EYS: variants seen among roughly 807,000 people sequenced by gnomAD.
EYS encodes protein eyes shut homolog.
EYS carries 250 observed loss-of-function variants against 282.1 expected under a neutral mutation model. The observed-to-expected ratio is 0.89, with a 90% CI of 0.80 to 0.98. The LOEUF is 0.98. Among genes scored for constraint, EYS ranks in the 50% least tolerant of loss-of-function variants. The probability of loss-of-function intolerance (pLI) is 0.00; values close to 1 mark genes in which losing one functional copy is unlikely to be tolerated. For synonymous variants in EYS, 1,355 were observed against 1,282.9 expected (o/e 1.06, Z -1.20); for missense variants, 4,016 against 3,709.0 (o/e 1.08, Z -2.15).
intron 33 of EYS, among the ~76,000 whole-genome samples, chr6:64,058,659 T>C (rs1771064683): frequency 6.6e-6 from 1 of 152,206 alleles, no homozygotes; most frequent in Non-Finnish European, 1.5e-5. Flanking sequence ...CTGACCCCCA[T>C]CAATTATTGC....
intron 36 of EYS, among the ~76,000 whole-genome samples, chr6:63,859,790 G>A (rs376381277): frequency 2.0e-5 from 3 of 152,106 alleles, no homozygotes; most frequent in Non-Finnish European, 4.4e-5. Flanking sequence ...TCTCGGCTCC[G>A]GCCATCACTG....
intron 2 of EYS, among the ~76,000 whole-genome samples, chr6:65,562,239 T>A (rs913466131): frequency 2.0e-5 from 3 of 152,004 alleles, no homozygotes; most frequent in Non-Finnish European, 4.4e-5. Flanking sequence ...GGAACAAACA[T>A]CAGATGTGAG....
intron 31 of EYS, among the ~76,000 whole-genome samples, chr6:64,094,041 A>G (rs1280735966): frequency 6.6e-6 from 1 of 152,138 alleles, no homozygotes; most frequent in South Asian, 2.1e-4. Context: ...GGTTCTGTTT[A>G]TATGCTGGAT....
intron 35 of EYS, among the ~76,000 whole-genome samples, chr6:63,952,609 G>A (rs1765646688): frequency 6.6e-6 from 1 of 152,022 alleles, no homozygotes; most frequent in South Asian, 2.1e-4. Context: ...CTCCTTTTTA[G>A]TTATCCCCAC....
chr6:64,870,414 C>G (rs1293793048), intron 19 of EYS, among the ~76,000 whole-genome samples: 1 of 141,190 alleles, frequency 7.1e-6, no homozygotes, highest in Non-Finnish European at 1.5e-5. Context: ...AATTACCCCC[C>G]TCCTCCCCCC....
intron 1 of EYS, among the ~76,000 whole-genome samples, chr6:65,685,520 G>A: frequency 6.6e-6 from 1 of 152,008 alleles, no homozygotes; most frequent in East Asian, 1.9e-4. Context: ...GAATTTACTA[G>A]AGTATAATTG....
rs11561711 is a variant in EYS, at chr6:63,832,967, A to G, written c.7229-26595T>C. Reference sequence around the variant, plus strand: ...ATAAACAGAACCAAAGACAAAAACCACATGACTATGTCAATAGATGCAGAA... The same window carrying G: ...ATAAACAGAACCAAAGACAAAAACCGCATGACTATGTCAATAGATGCAGAA... On this transcript the variant is annotated intron_variant, in intron 36 of 42. Coordinates refer to ENST00000503581, the MANE Select transcript of EYS (RefSeq NM_001142800.2). Among the ~76,000 whole-genome samples, 244 of 152,286 alleles carry G rather than the reference A, an allele frequency of 1.6e-3. 4 individuals are homozygous for G. In the East Asian group the frequency reaches 0.041, roughly 26 times the overall value.
intron 41 of EYS, among the ~76,000 whole-genome samples, chr6:63,753,142 A>ATATATATATATATATATATATG (rs1554166854): frequency 5.5e-3 from 45 of 8,148 alleles, no homozygotes; most frequent in African/African-American, 0.014. Flanking sequence ...GTGTGTGTGT[A>ATATATATATATATATATATATG]TATATATATA....
intron 22 of EYS, 100 bp from the exon 23 acceptor site, chr6:64,626,345 T>C (rs1246317538): frequency 7.2e-7 from 1 of 1,393,460 alleles, no homozygotes; most frequent in South Asian, 1.6e-5. Context: ...TTTTCAGAGC[T>C]CCAACAACAT....
intron 26 of EYS, among the ~76,000 whole-genome samples, chr6:64,453,758 G>T (rs537937111): frequency 6.6e-6 from 1 of 152,028 alleles, no homozygotes; most frequent in African/African-American, 2.4e-5. Context: ...ATCACAAGGA[G>T]AAAAAACCAA....
chr6:64,227,400 A>G (rs1766283293), intron 31 of EYS, among the ~76,000 whole-genome samples: 1 of 152,054 alleles, frequency 6.6e-6, no homozygotes, highest in Admixed American at 6.6e-5. Flanking sequence ...GACAGAGTGG[A>G]AGAATTTAAA....
intron 30 of EYS, among the ~76,000 whole-genome samples, chr6:64,287,732 T>A (rs1768552116): frequency 6.6e-6 from 1 of 152,168 alleles, no homozygotes; most frequent in African/African-American, 2.4e-5. Flanking sequence ...ATATCTTCAC[T>A]GTCCTCCAGA....
At chr6:64,562,690 T>C (rs181843514) in intron 26 of EYS, among the ~76,000 whole-genome samples, 125 of 152,094 alleles carry the variant, frequency 8.2e-4, no homozygotes, top group Admixed American at 4.1e-3. Flanking sequence ...AATAGAAGAT[T>C]GTTATAGATG....
At chr6:65,310,114 T>G (rs1582128004) in intron 11 of EYS, among the ~76,000 whole-genome samples, 1 of 152,036 alleles carries the variant, frequency 6.6e-6, no homozygotes, top group Non-Finnish European at 1.5e-5. Context: ...GAGGCCAAGG[T>G]AGACAGATCA....
chr6:64,329,303 G>T (rs572900643), intron 29 of EYS, among the ~76,000 whole-genome samples: 2 of 152,222 alleles, frequency 1.3e-5, no homozygotes, highest in Admixed American at 6.5e-5. Flanking sequence ...TTTTATATTT[G>T]CCAAATTGTC....
At chr6:65,402,301 T>C (rs1766538629) in intron 7 of EYS, among the ~76,000 whole-genome samples, 177 bp downstream of exon 7, 1 of 151,792 alleles carries the variant, frequency 6.6e-6, no homozygotes, top group Non-Finnish European at 1.5e-5. Flanking sequence ...TATTTTAAAT[T>C]AATACCACAA....
intron 26 of EYS, among the ~76,000 whole-genome samples, chr6:64,472,671 A>T (rs1301155729): frequency 1.3e-5 from 2 of 152,216 alleles, no homozygotes; most frequent in Non-Finnish European, 2.9e-5. Flanking sequence ...GAATTTAAAT[A>T]TGATATAGGC....
At chr6:65,546,107 C>A (rs1582439742) in intron 2 of EYS, among the ~76,000 whole-genome samples, 1 of 149,512 alleles carries the variant, frequency 6.7e-6, no homozygotes, top group East Asian at 2.0e-4. Context: ...GCAGCCTGTA[C>A]TTCACAGGCT....
chr6:63,723,515 A>T (rs1041806030), intron 42 of EYS, among the ~76,000 whole-genome samples: 1 of 152,098 alleles, frequency 6.6e-6, no homozygotes, highest in African/African-American at 2.4e-5. Flanking sequence ...GCTACATTAG[A>T]ATAAAAAATA....
Sources: allele counts gnomAD v4.1 joint callset (sites outside exome capture counted in the v4.1 genomes callset), GRCh38; gene constraint gnomAD v4.1.1; transcripts MANE v1.5; gene names NCBI Gene and HGNC (gene_info 2026-07-23, HGNC 2026-07-21).